Variants in SPAG16 observed in about 807,000 individuals in gnomAD.
SPAG16 encodes the protein sperm-associated antigen 16 protein.
Under a neutral mutation model 80.4 loss-of-function variants are expected in SPAG16, and 86 were observed. The observed-to-expected ratio is 1.07, with a 90% CI of 0.90 to 1.28. SPAG16 has a LOEUF of 1.28. SPAG16 is among the 50% of genes most tolerant of loss of function. The pLI is 0.00. For synonymous variants in SPAG16, 294 were observed against 265.9 expected (o/e 1.11, Z -1.03); for missense variants, 870 against 765.3 (o/e 1.14, Z -1.61).
chr2:213,857,051 G>A (rs948867323), intron 10 of SPAG16, among the ~76,000 whole-genome samples: 8 of 152,072 alleles, frequency 5.3e-5, no homozygotes, highest in Non-Finnish European at 1.0e-4. Flanking sequence ...CCAACATGGC[G>A]AAACCCTATC....
chr2:213,401,366 T>C (rs936903558), intron 9 of SPAG16, among the ~76,000 whole-genome samples: 7 of 152,248 alleles, frequency 4.6e-5, no homozygotes, highest in African/African-American at 1.7e-4. Flanking sequence ...ACTCATTTTG[T>C]TTATTTCCGT....
intron 14 of SPAG16, among the ~76,000 whole-genome samples, chr2:214,127,274 G>C (rs925732313): frequency 1.3e-5 from 2 of 151,712 alleles, no homozygotes; most frequent in South Asian, 4.1e-4. Flanking sequence ...TGTCATCCCT[G>C]GTTTACTATT....
At chr2:213,559,454 G>A (rs1302100707) in intron 10 of SPAG16, among the ~76,000 whole-genome samples, 1 of 152,076 alleles carries the variant, frequency 6.6e-6, no homozygotes, top group East Asian at 1.9e-4. Flanking sequence ...AAAATTAACA[G>A]CTCTAGACCA....
intron 13 of SPAG16, among the ~76,000 whole-genome samples, chr2:214,034,344 A>C (rs904544393): frequency 6.6e-6 from 1 of 152,248 alleles, no homozygotes; most frequent in African/African-American, 2.4e-5. Context: ...CACTGTGTTA[A>C]ATATCCCATG....
At chr2:213,977,308 A>T (rs1054042849) in intron 12 of SPAG16, among the ~76,000 whole-genome samples, 2 of 152,012 alleles carry the variant, frequency 1.3e-5, no homozygotes, top group Admixed American at 6.6e-5. Flanking sequence ...ATATGCTGTT[A>T]TCTAGGTCCA....
intron 10 of SPAG16, among the ~76,000 whole-genome samples, chr2:213,653,221 C>A (rs937279420): frequency 2.0e-5 from 3 of 152,196 alleles, no homozygotes; most frequent in Non-Finnish European, 2.9e-5. Context: ...TGGATAACCT[C>A]TACCTTTGGT....
At chr2:214,163,188 C>A (rs2056517007) in intron 15 of SPAG16, among the ~76,000 whole-genome samples, 1 of 151,756 alleles carries the variant, frequency 6.6e-6, no homozygotes, top group South Asian at 2.1e-4. Flanking sequence ...ATTATACATT[C>A]TTGATCTTTT....
chr2:213,342,237 T>G (rs1300133058), intron 6 of SPAG16, among the ~76,000 whole-genome samples: 1 of 150,594 alleles, frequency 6.6e-6, no homozygotes, highest in Non-Finnish European at 1.5e-5. Flanking sequence ...ATGTAATGTT[T>G]ATGGAGATTA....
At chr2:214,083,789 G>A (rs1481198713) in intron 13 of SPAG16, among the ~76,000 whole-genome samples, 1 of 152,118 alleles carries the variant, frequency 6.6e-6, no homozygotes, top group Non-Finnish European at 1.5e-5. Flanking sequence ...CACTCAGGTA[G>A]TGAGCCATAA....
At chr2:214,042,466 A>C (rs989994873) in intron 13 of SPAG16, among the ~76,000 whole-genome samples, 2 of 141,124 alleles carry the variant, frequency 1.4e-5, no homozygotes, top group Non-Finnish European at 3.2e-5. Flanking sequence ...ACAACAACAA[A>C]AACTCCTTAC....
chr2:213,355,783 C>G (rs2065613419), intron 7 of SPAG16, among the ~76,000 whole-genome samples: 1 of 152,140 alleles, frequency 6.6e-6, no homozygotes, highest in South Asian at 2.1e-4. Flanking sequence ...ATGGGGTTTT[C>G]TAAACATACA....
At chr2:213,845,966 G>T (rs541069341) in intron 10 of SPAG16, among the ~76,000 whole-genome samples, 11 of 152,158 alleles carry the variant, frequency 7.2e-5, no homozygotes, top group Non-Finnish European at 1.5e-4. Context: ...GTGGGAAAGG[G>T]CAAGCCTAAT....
intron 12 of SPAG16, among the ~76,000 whole-genome samples, chr2:213,998,093 T>C (rs577356927): frequency 2.6e-5 from 4 of 152,356 alleles, no homozygotes; most frequent in African/African-American, 9.6e-5. Context: ...CCCTTTTTGT[T>C]GATCATGTGA....
chr2:214,285,888 T>C (rs1008183132), intron 15 of SPAG16, among the ~76,000 whole-genome samples: 18 of 152,256 alleles, frequency 1.2e-4, no homozygotes, highest in African/African-American at 4.1e-4. Flanking sequence ...ACTTTCCTAG[T>C]TTTGCTTTTG....
At chr2:213,944,861 C>G (rs1184175165) in intron 12 of SPAG16, among the ~76,000 whole-genome samples, 2 of 152,022 alleles carry the variant, frequency 1.3e-5, no homozygotes, top group East Asian at 3.9e-4. Flanking sequence ...TGGCGAAACC[C>G]CGTGTCTACT....
intron 9 of SPAG16, among the ~76,000 whole-genome samples, chr2:213,408,424 C>T (rs940410507): frequency 6.6e-6 from 1 of 152,184 alleles, no homozygotes. Context: ...CTGAGCACAA[C>T]TCACCAGTTT....
intron 6 of SPAG16, among the ~76,000 whole-genome samples, chr2:213,349,413 A>T (rs1029632039): frequency 2.0e-5 from 3 of 152,170 alleles, no homozygotes; most frequent in Admixed American, 1.3e-4. Context: ...GACAAATTTG[A>T]TAATAAGATG....
chr2:213,881,867 A>T (rs1309674975), intron 11 of SPAG16, among the ~76,000 whole-genome samples: 5 of 152,276 alleles, frequency 3.3e-5, no homozygotes, highest in Non-Finnish European at 7.4e-5. Flanking sequence ...TTTCAGTACT[A>T]TGTTGAATAG....
At chr2:213,915,360 A>G (rs1048775549) in intron 11 of SPAG16, among the ~76,000 whole-genome samples, 6 of 150,208 alleles carry the variant, frequency 4.0e-5, no homozygotes, top group Admixed American at 1.3e-4. Context: ...CCTCCCACTT[A>G]TGAGTGAGAA....
Sources: gnomAD v4.1 joint callset for allele counts (sites outside exome capture counted in the v4.1 genomes callset) on GRCh38, gnomAD v4.1.1 for gene constraint, MANE v1.5 for transcripts, NCBI Gene and HGNC (gene_info 2026-07-23, HGNC 2026-07-21) for gene names.